DLG2: variants seen among roughly 807,000 people sequenced by gnomAD.
DLG2 encodes the protein discs large MAGUK scaffold protein 2, also known as disks large homolog 2.
DLG2 carries 45 observed loss-of-function variants against 132.5 expected under a neutral mutation model. That is an observed-to-expected ratio of 0.34 (90% CI 0.27 to 0.44). The LOEUF is 0.44. Among genes scored for constraint, DLG2 ranks in the 20% least tolerant of loss-of-function variants. DLG2 has a pLI of 1.00. For missense variants in DLG2, 1,045 were observed against 1,196.9 expected (o/e 0.87, Z 1.87); for synonymous variants, 424 against 419.6 (o/e 1.01, Z -0.13).
In DLG2 at chr11:84,184,688, G is replaced by A. The variant is rs527511281; in HGVS notation, c.574-21177C>T. Among the ~76,000 whole-genome samples, 41 of 152,170 alleles carry A rather than the reference G, an allele frequency of 2.7e-4. 1 individual carries two copies. In the South Asian group the frequency reaches 4.8e-3, roughly 18 times the overall value. Reference sequence around the variant, plus strand: ...GGTATTGCCTAGGTTTTCTTCTAGGGTTTTTATGGTTTTAGGTCTAACGTT... The same window carrying A: ...GGTATTGCCTAGGTTTTCTTCTAGGATTTTTATGGTTTTAGGTCTAACGTT... On this transcript the variant is annotated intron_variant, in intron 8 of 27. Transcript: ENST00000376104.
intron 4 of DLG2, among the ~76,000 whole-genome samples, chr11:85,164,967 C>T (rs144389865): frequency 2.6e-5 from 4 of 152,274 alleles, no homozygotes; most frequent in African/African-American, 9.6e-5. Context: ...AAGATCAACT[C>T]TTCAACCTAC....
intron 11 of DLG2, among the ~76,000 whole-genome samples, chr11:84,018,792 A>G (rs1032146930): frequency 6.6e-6 from 1 of 152,044 alleles, no homozygotes; most frequent in African/African-American, 2.4e-5. Context: ...TATAAGGTAA[A>G]TAAAATATAG....
intron 8 of DLG2, among the ~76,000 whole-genome samples, chr11:84,231,390 T>C (rs1377628148): frequency 6.6e-6 from 1 of 152,206 alleles, no homozygotes; most frequent in Non-Finnish European, 1.5e-5. Context: ...ACTCTTACTT[T>C]GGGAGTTGTA....
At position 83,644,771 on chromosome 11, in the gene DLG2, TC is replaced by T. The variant is rs113766311; in HGVS notation, c.1826-11447del. ...CAGTAATTTTTTTCTAAAAAATTGT[TC>T]CCCTAATTTTTGGCAAAGGATCTAT... On this transcript the variant is annotated intron_variant, in intron 18 of 27. Coordinates refer to ENST00000376104, the MANE Select transcript of DLG2 (RefSeq NM_001142699.3). Among the ~76,000 whole-genome samples, 539 of 152,224 alleles carry T rather than the reference TC, an allele frequency of 3.5e-3. 4 individuals carry two copies. Among genetic ancestry groups the T allele is most frequent in the African/African-American group, 0.012 (494 of 41,550 alleles).
At chr11:84,668,837 T>C (rs774299158) in intron 6 of DLG2, among the ~76,000 whole-genome samples, 2 of 152,182 alleles carry the variant, frequency 1.3e-5, no homozygotes, top group Admixed American at 6.6e-5. Context: ...GTCATTTTCA[T>C]GCGAAGAAGA....
chr11:84,836,893 G>T (rs2079869836), intron 6 of DLG2, among the ~76,000 whole-genome samples: 1 of 151,728 alleles, frequency 6.6e-6, no homozygotes, highest in African/African-American at 2.4e-5. Context: ...CAGTTTTAGG[G>T]TACATGTGCA....
At chr11:85,106,007 A>C (rs1594263157) in intron 6 of DLG2, among the ~76,000 whole-genome samples, 1 of 143,964 alleles carries the variant, frequency 6.9e-6, no homozygotes, top group African/African-American at 2.6e-5. Context: ...AAAAAAAAAA[A>C]CCTTTAGGAC....
At chr11:84,278,737 T>G (rs769626234) in intron 7 of DLG2, among the ~76,000 whole-genome samples, 1 of 152,122 alleles carries the variant, frequency 6.6e-6, no homozygotes, top group South Asian at 2.1e-4. Context: ...AATAATGAAT[T>G]TATTCATATG....
At chr11:84,575,287 T>C (rs1323558732) in intron 6 of DLG2, among the ~76,000 whole-genome samples, 1 of 152,100 alleles carries the variant, frequency 6.6e-6, no homozygotes, top group African/African-American at 2.4e-5. Flanking sequence ...TTTCCTAATA[T>C]TAAATTACTT....
rs191853383 is a variant in DLG2, at chr11:85,358,106, G to C, written c.41-72741C>G. 1.5e-3 allele frequency among the ~76,000 whole-genome samples: 223 copies of C among 152,030 alleles called. 1 individual carries two copies. The highest frequency in any genetic ancestry group is 0.014 in the Admixed American group (211 of 15,252). On this transcript the variant is annotated intron_variant, in intron 3 of 27. Transcript: ENST00000376104. ...CGCCTGAAAAACAAAAAAAAGAACAGAAGGGAAGAAGAGAAGAAGGAAAAA... is the reference window on the plus strand; with the variant it reads ...CGCCTGAAAAACAAAAAAAAGAACACAAGGGAAGAAGAGAAGAAGGAAAAA...
At chr11:84,177,109 T>A (rs2095993124) in intron 8 of DLG2, among the ~76,000 whole-genome samples, 1 of 152,088 alleles carries the variant, frequency 6.6e-6, no homozygotes, top group Non-Finnish European at 1.5e-5. Context: ...AAGCAGTTGG[T>A]AGGGCAGGGA....
At chr11:84,305,765 A>C (rs907751504) in intron 7 of DLG2, among the ~76,000 whole-genome samples, 1 of 152,146 alleles carries the variant, frequency 6.6e-6, no homozygotes, top group East Asian at 1.9e-4. Context: ...CTTATGGGGA[A>C]GTGGAGTTTT....
intron 12 of DLG2, among the ~76,000 whole-genome samples, chr11:83,967,546 T>C (rs955149888): frequency 6.6e-6 from 1 of 152,162 alleles, no homozygotes; most frequent in Non-Finnish European, 1.5e-5. Flanking sequence ...TGGAGAAATA[T>C]TTATTCATGT....
At chr11:84,921,146 T>C (rs551498974) in intron 6 of DLG2, among the ~76,000 whole-genome samples, 1 of 152,260 alleles carries the variant, frequency 6.6e-6, no homozygotes, top group Admixed American at 6.5e-5. Context: ...GAAACTTTAT[T>C]GCACCAATGT....
At chr11:84,360,943 T>C (rs1567402943) in intron 7 of DLG2, among the ~76,000 whole-genome samples, 1 of 151,544 alleles carries the variant, frequency 6.6e-6, no homozygotes, top group Admixed American at 6.6e-5. Context: ...ATGAACCAAA[T>C]GAAACATATA....
chr11:83,801,744 T>C (rs951474462), intron 17 of DLG2, among the ~76,000 whole-genome samples: 1 of 152,168 alleles, frequency 6.6e-6, no homozygotes, highest in Non-Finnish European at 1.5e-5. Flanking sequence ...GCCCACATGT[T>C]ATTCTGTTTA....
At chr11:85,100,308 T>C (rs2070668714) in intron 6 of DLG2, among the ~76,000 whole-genome samples, 1 of 152,036 alleles carries the variant, frequency 6.6e-6, no homozygotes, top group Non-Finnish European at 1.5e-5. Context: ...TTAACATGAA[T>C]TGAGCACCTA....
chr11:83,561,877 T>A (rs949627409), intron 19 of DLG2, among the ~76,000 whole-genome samples: 1 of 134,208 alleles, frequency 7.5e-6, no homozygotes, highest in African/African-American at 2.8e-5. Context: ...GACTTAGTAT[T>A]TCTTTCTTTT....
chr11:85,416,351 A>G, intron 3 of DLG2, among the ~76,000 whole-genome samples: 1 of 152,158 alleles, frequency 6.6e-6, no homozygotes, highest in East Asian at 1.9e-4. Flanking sequence ...GTAGCCTTGT[A>G]GTATAGTTTG....
Sources: allele counts gnomAD v4.1 joint callset (sites outside exome capture counted in the v4.1 genomes callset), GRCh38; gene constraint gnomAD v4.1.1; transcripts MANE v1.5; gene names NCBI Gene and HGNC (gene_info 2026-07-23, HGNC 2026-07-21).